Variants in GRM7 observed in about 807,000 individuals in gnomAD.
GRM7 encodes metabotropic glutamate receptor 7.
Under a neutral mutation model 84.5 loss-of-function variants are expected in GRM7, and 35 were observed. That is an observed-to-expected ratio of 0.41 (90% CI 0.32 to 0.55). GRM7 has a LOEUF of 0.55. Ranked by LOEUF, GRM7 falls within the 20% of genes least tolerant of loss-of-function variation. The pLI is 0.19. For synonymous variants in GRM7, 487 were observed against 455.1 expected, an observed-to-expected ratio of 1.07 and a Z score of -0.89; for missense variants, 1,003 against 1,194.6, an observed-to-expected ratio of 0.84 and a Z score of 2.36.
intron 1 of GRM7, among the ~76,000 whole-genome samples, chr3:7,013,065 C>G (rs1364245785): frequency 6.6e-6 from 1 of 151,600 alleles, no homozygotes; most frequent in Non-Finnish European, 1.5e-5. Flanking sequence ...AGTTTTTTAC[C>G]ATTAGACCAC....
rs1007222144 is a variant in GRM7 at position 6,861,997 on chromosome 3, C to G, written c.519+90C>G. ...TGGCTTGGACTCCGGTGGTGCGGGT[C>G]AGGTCAGCCTTCGCTCATTTCCTCC... On this transcript the variant is annotated intron_variant, in intron 1 of 9. Transcript: ENST00000357716. The surrounding 1 kb of genome is among the most constrained non-coding windows in gnomAD (Gnocchi z 6.4). 71 of 1,105,716 alleles carry G rather than the reference C, an allele frequency of 6.4e-5. No individual in the cohort carries two copies. Among genetic ancestry groups the G allele is most frequent in the Non-Finnish European group, 8.7e-5 (67 of 769,278 alleles). The allele number at this position is 1,105,716 out of a possible 1,614,324, so 68.5% of individuals were successfully genotyped here. A position where few individuals can be genotyped will look rare whatever the true frequency, so the allele number is the denominator to read the frequency against.
intron 9 of GRM7, among the ~76,000 whole-genome samples, chr3:7,728,490 G>C (rs1405278449): frequency 6.6e-6 from 1 of 152,148 alleles, no homozygotes; most frequent in Non-Finnish European, 1.5e-5. Context: ...GAGGGCCCTG[G>C]TACTGGAGTG....
chr3:7,333,724 T>C (rs891551259), intron 4 of GRM7, among the ~76,000 whole-genome samples: 6 of 148,492 alleles, frequency 4.0e-5, no homozygotes, highest in African/African-American at 1.5e-4. Context: ...AAATACAGGA[T>C]GTGGATGAAA....
At chr3:7,376,003 C>T (rs1453753756) in intron 4 of GRM7, among the ~76,000 whole-genome samples, 4 of 152,166 alleles carry the variant, frequency 2.6e-5, no homozygotes, top group African/African-American at 9.7e-5. Context: ...CTATGAGTTA[C>T]AGCTCAGAGA....
chr3:7,240,228 G>C (rs1697507315), intron 2 of GRM7, among the ~76,000 whole-genome samples: 1 of 136,638 alleles, frequency 7.3e-6, no homozygotes, highest in Non-Finnish European at 1.5e-5. Flanking sequence ...GAAACACACA[G>C]TGCAGTGGTG....
chr3:7,131,524 G>A (rs1693598120), intron 1 of GRM7, among the ~76,000 whole-genome samples: 1 of 152,036 alleles, frequency 6.6e-6, no homozygotes, highest in South Asian at 2.1e-4. Flanking sequence ...CTGTTGCCAG[G>A]TTGGAGTTCA....
rs557763831 is a variant in GRM7 at position 7,089,178 on chromosome 3, C to G, written c.520-57274C>G. Reference sequence around the variant, plus strand: ...TATTTCAAAGAGCTTGCACTGAGTGCCTTACAGAATTCAGTAGTACCAGGG... The same window carrying G: ...TATTTCAAAGAGCTTGCACTGAGTGGCTTACAGAATTCAGTAGTACCAGGG... On this transcript the variant is annotated intron_variant, in intron 1 of 9. Coordinates refer to ENST00000357716, the MANE Select transcript of GRM7 (RefSeq NM_000844.4). Among the ~76,000 whole-genome samples, 4 of 151,970 alleles carry G rather than the reference C, an allele frequency of 2.6e-5. No individual in the cohort carries two copies. In the East Asian group the frequency reaches 7.8e-4, roughly 29 times the overall value.
At chr3:6,957,440 T>C (rs1693106401) in intron 1 of GRM7, among the ~76,000 whole-genome samples, 1 of 152,234 alleles carries the variant, frequency 6.6e-6, no homozygotes, top group Admixed American at 6.5e-5. Flanking sequence ...AAACGCTCCC[T>C]CTGCATTTGC....
intron 5 of GRM7, among the ~76,000 whole-genome samples, chr3:7,435,722 C>T (rs995437031): frequency 4.3e-5 from 6 of 138,104 alleles, no homozygotes; most frequent in Non-Finnish European, 9.2e-5. Flanking sequence ...GAGTCTCGCT[C>T]TCTCCCCCAG....
At chr3:7,510,414 A>G (rs1325815582) in intron 7 of GRM7, among the ~76,000 whole-genome samples, 2 of 152,200 alleles carry the variant, frequency 1.3e-5, no homozygotes, top group Non-Finnish European at 1.5e-5. Context: ...TTACAGCTGT[A>G]TTCTCAGTGC....
intron 8 of GRM7, among the ~76,000 whole-genome samples, chr3:7,639,802 G>A (rs1253563107): frequency 1.3e-5 from 2 of 151,846 alleles, no homozygotes; most frequent in East Asian, 1.9e-4. Context: ...TGTAACTGTC[G>A]CCCACAACAA....
chr3:6,920,791 T>C (rs983791074), intron 1 of GRM7, among the ~76,000 whole-genome samples: 1 of 152,126 alleles, frequency 6.6e-6, no homozygotes, highest in Non-Finnish European at 1.5e-5. Flanking sequence ...CTGCTGATAG[T>C]TACCTGAGAA....
intron 1 of GRM7, among the ~76,000 whole-genome samples, chr3:7,022,239 T>C (rs1194675022): frequency 6.6e-6 from 1 of 151,860 alleles, no homozygotes; most frequent in East Asian, 1.9e-4. Context: ...GGTGGGACGA[T>C]TGCTTGAGCC....
intron 9 of GRM7, among the ~76,000 whole-genome samples, chr3:7,697,345 ACT>A (rs1287353407): frequency 6.6e-6 from 1 of 152,036 alleles, no homozygotes; most frequent in African/African-American, 2.4e-5. Context: ...AGGGTATCTC[ACT>A]GAGGTAGGTG....
chr3:7,189,022 C>A (rs1695617557), intron 2 of GRM7, among the ~76,000 whole-genome samples: 1 of 152,186 alleles, frequency 6.6e-6, no homozygotes, highest in Non-Finnish European at 1.5e-5. Flanking sequence ...TGCAGCCTTA[C>A]TGTATGGCCA....
At chr3:6,891,388 G>A (rs768501183) in intron 1 of GRM7, among the ~76,000 whole-genome samples, 44 of 152,120 alleles carry the variant, frequency 2.9e-4, no homozygotes, top group South Asian at 4.1e-4. Context: ...TGCTTTCCGC[G>A]TTTAGTGCTT....
In GRM7 at chr3:7,020,404, A is replaced by T. The variant is rs1154369; in HGVS notation, c.520-126048A>T. 6.5e-3 allele frequency among the ~76,000 whole-genome samples: 983 copies of T among 152,288 alleles called. 8 individuals carry two copies. Among genetic ancestry groups the T allele is most frequent in the East Asian group, 0.024 (124 of 5,172 alleles). On this transcript the variant is annotated intron_variant, in intron 1 of 9. Coordinates refer to ENST00000357716, the MANE Select transcript of GRM7 (RefSeq NM_000844.4). ...TGGGGGGATTTTTATAGCAGTGAAA[A>T]GGTAAATCATAACCAAATGTTCAAT...
At chr3:7,674,093 G>C (rs994907198) in intron 8 of GRM7, among the ~76,000 whole-genome samples, 3 of 152,118 alleles carry the variant, frequency 2.0e-5, no homozygotes, top group Non-Finnish European at 4.4e-5. Flanking sequence ...CAGGGGCAGA[G>C]CAGTGAGCAG....
At chr3:7,595,599 G>A (rs1279548764) in intron 8 of GRM7, among the ~76,000 whole-genome samples, 1 of 152,154 alleles carries the variant, frequency 6.6e-6, no homozygotes, top group Admixed American at 6.6e-5. Context: ...GTGATATGGT[G>A]GGAAGGAGAG....
Sources: allele counts gnomAD v4.1 joint callset (sites outside exome capture counted in the v4.1 genomes callset), GRCh38; gene constraint gnomAD v4.1.1; non-coding constraint Gnocchi (gnomAD v3.1); transcripts MANE v1.5; gene names NCBI Gene and HGNC (gene_info 2026-07-23, HGNC 2026-07-21).